Variants in DPYD observed in about 807,000 individuals in gnomAD.
DPYD encodes dihydropyrimidine dehydrogenase.
DPYD carries 109 observed loss-of-function variants against 116.2 expected under a neutral mutation model. The observed-to-expected ratio is 0.94, with a 90% CI of 0.80 to 1.10. The LOEUF is 1.10. DPYD is among the 50% of genes least tolerant of loss of function. DPYD has a pLI of 0.00. For missense variants in DPYD, 1,302 were observed against 1,254.5 expected, an observed-to-expected ratio of 1.04 and a Z score of -0.57; for synonymous variants, 440 against 432.0, an observed-to-expected ratio of 1.02 and a Z score of -0.23.
intron 18 of DPYD, among the ~76,000 whole-genome samples, chr1:97,298,946 G>C (rs1348630705): frequency 6.6e-6 from 1 of 152,066 alleles, no homozygotes; most frequent in Non-Finnish European, 1.5e-5. Flanking sequence ...TGAGATTTAA[G>C]GGTCTGGCCT....
chr1:97,787,234 G>T (rs747427780), intron 3 of DPYD, among the ~76,000 whole-genome samples: 1 of 152,130 alleles, frequency 6.6e-6, no homozygotes, highest in Non-Finnish European at 1.5e-5. Flanking sequence ...TATTGGCAGT[G>T]AAAATATTTG....
In DPYD at chr1:97,273,357, T is replaced by C. The variant is rs59520617; in HGVS notation, c.2299+31902A>G. ...GCAAAAAAGGAATGCAGAAAATCAA[T>C]GCAGAATTATATAAAATATGTTTGA... On this transcript the variant is annotated intron_variant, in intron 18 of 22. Transcript: ENST00000370192. Among the ~76,000 whole-genome samples, 357 of 152,252 alleles carry C rather than the reference T, an allele frequency of 2.3e-3. 3 individuals carry two copies. The East Asian group carries it at 0.038, about 16-fold the overall frequency.
chr1:97,662,969 A>G (rs1477814966), intron 8 of DPYD, among the ~76,000 whole-genome samples: 1 of 152,208 alleles, frequency 6.6e-6, no homozygotes, highest in Admixed American at 6.5e-5. Context: ...AATCTCGTCA[A>G]TGCCATGGCA....
chr1:97,908,232 G>T (rs1356632927), intron 1 of DPYD, among the ~76,000 whole-genome samples: 1 of 151,938 alleles, frequency 6.6e-6, no homozygotes, highest in Non-Finnish European at 1.5e-5. Context: ...GTGTTGTAGA[G>T]ATGGGGTTTT....
chr1:97,724,927 G>A (rs1043559321), intron 4 of DPYD, among the ~76,000 whole-genome samples: 3 of 138,544 alleles, frequency 2.2e-5, no homozygotes, highest in Non-Finnish European at 4.7e-5. Flanking sequence ...AAGAGAGAGA[G>A]AGGGAGAGAG....
At chr1:97,627,747 C>A (rs1328841570) in intron 8 of DPYD, among the ~76,000 whole-genome samples, 1 of 151,908 alleles carries the variant, frequency 6.6e-6, no homozygotes, top group Non-Finnish European at 1.5e-5. Context: ...AACATTTATC[C>A]AGCCTAGATG....
chr1:97,431,003 T>TA (rs1675149032), intron 14 of DPYD, among the ~76,000 whole-genome samples: 1 of 152,044 alleles, frequency 6.6e-6, no homozygotes, highest in Non-Finnish European at 1.5e-5. Context: ...AGGAGGAAAT[T>TA]AAAAAATAGG....
intron 11 of DPYD, among the ~76,000 whole-genome samples, chr1:97,569,631 G>A (rs1652760958): frequency 6.6e-6 from 1 of 151,716 alleles, no homozygotes; most frequent in Admixed American, 6.6e-5. Flanking sequence ...GACGTGATAT[G>A]GAGTCGTACA....
intron 8 of DPYD, among the ~76,000 whole-genome samples, chr1:97,659,282 T>C (rs1659118003): frequency 6.6e-6 from 1 of 152,176 alleles, no homozygotes; most frequent in Non-Finnish European, 1.5e-5. Context: ...TAAATGCTGG[T>C]AGAATGAATA....
intron 1 of DPYD, among the ~76,000 whole-genome samples, chr1:97,900,053 A>C (rs534544279): frequency 2.1e-3 from 314 of 152,066 alleles, no homozygotes; most frequent in Non-Finnish European, 3.3e-3. Flanking sequence ...GGCTTTGACA[A>C]GCCATTCAGC....
At chr1:97,332,503 A>G (rs1669062114) in intron 16 of DPYD, among the ~76,000 whole-genome samples, 1 of 152,172 alleles carries the variant, frequency 6.6e-6, no homozygotes, top group Admixed American at 6.5e-5. Flanking sequence ...AGGCTTGATG[A>G]TTTCGTTGAG....
rs1031485136 is a variant in DPYD at position 97,701,302 on chromosome 1, A to G, written c.484-1755T>C. Among the ~76,000 whole-genome samples the G allele has an allele frequency of 2.0e-5, 3 of 150,804 alleles. No individual in the cohort carries two copies. In the Admixed American group the frequency reaches 2.0e-4, roughly 10 times the overall value. ...AACATTTCATAGCAAGGAAATGGTC[A>G]ATCTTTCAACAAGATTTTAAAATAC... On this transcript the variant is annotated intron_variant, in intron 5 of 22. Transcript: ENST00000370192.
intron 13 of DPYD, among the ~76,000 whole-genome samples, chr1:97,478,082 T>C (rs1432372677): frequency 6.6e-6 from 1 of 152,188 alleles, no homozygotes; most frequent in Non-Finnish European, 1.5e-5. Context: ...TGGATATGTG[T>C]TAGAAGACAT....
At chr1:97,885,877 T>C (rs1289037627) in intron 1 of DPYD, among the ~76,000 whole-genome samples, 1 of 152,098 alleles carries the variant, frequency 6.6e-6, no homozygotes, top group African/African-American at 2.4e-5. Flanking sequence ...TTAAATAATA[T>C]CAATTTGCAC....
intron 18 of DPYD, among the ~76,000 whole-genome samples, chr1:97,279,669 C>T (rs1455147174): frequency 3.3e-5 from 5 of 152,094 alleles, no homozygotes; most frequent in Non-Finnish European, 7.4e-5. Flanking sequence ...ATGACCATGC[C>T]TGGCTAATTT....
In DPYD at chr1:97,883,377, A is replaced by AATTTCTTGTCTAATTTCTTGGCCG. The variant is rs1486686254; in HGVS notation, c.40-4_40-3insCGGCCAAGAAATTAGACAAGAAAT. ...CGAGGATTTAAAGCCAGGATACTCT[A>AATTTCTTGTCTAATTTCTTGGCCG]AAGACAGCATAAACAATGTGTAAAT... On this transcript the variant is annotated splice_region_variant and splice_polypyrimidine_tract_variant and intron_variant, in intron 1 of 22. Transcript: ENST00000370192. 3 of 1,574,490 alleles carry AATTTCTTGTCTAATTTCTTGGCCG rather than the reference A, an allele frequency of 1.9e-6. No homozygotes were observed. In the Admixed American group the frequency reaches 5.0e-5, roughly 26 times the overall value.
chr1:97,479,165 C>T (rs1678162433), intron 13 of DPYD, among the ~76,000 whole-genome samples: 1 of 152,164 alleles, frequency 6.6e-6, no homozygotes, highest in South Asian at 2.1e-4. Flanking sequence ...AAGAACATTT[C>T]CTTTGTATTA....
chr1:97,705,860 T>A (rs1661914619), intron 5 of DPYD, among the ~76,000 whole-genome samples: 1 of 152,054 alleles, frequency 6.6e-6, no homozygotes, highest in African/African-American at 2.4e-5. Context: ...ATTGTGGTTT[T>A]GATTTGCATT....
intron 20 of DPYD, among the ~76,000 whole-genome samples, chr1:97,149,204 G>A (rs1016739616): frequency 1.6e-4 from 24 of 152,122 alleles, no homozygotes; most frequent in African/African-American, 5.8e-4. Context: ...CATATTACTG[G>A]CAATCTGATA....
Sources: allele counts gnomAD v4.1 joint callset (sites outside exome capture counted in the v4.1 genomes callset), GRCh38; gene constraint gnomAD v4.1.1; transcripts MANE v1.5; gene names NCBI Gene and HGNC (gene_info 2026-07-23, HGNC 2026-07-21).